The following FAT3 variants were observed in gnomAD, a reference collection of about 807,000 sequenced individuals.
FAT3 encodes protocadherin Fat 3.
FAT3 carries 95 observed loss-of-function variants against 310.2 expected under a neutral mutation model. That is an observed-to-expected ratio of 0.31 (90% CI 0.26 to 0.36). The LOEUF (loss-of-function observed/expected upper bound fraction) is 0.36. Among genes scored for constraint, FAT3 ranks in the 10% least tolerant of loss-of-function variants. The probability of loss-of-function intolerance (pLI) is 1.00; values close to 1 mark genes in which losing one functional copy is unlikely to be tolerated. For synonymous variants in FAT3, 2,314 were observed against 2,192.9 expected, an observed-to-expected ratio of 1.06 and a Z score of -1.54; for missense variants, 5,408 against 5,715.6, an observed-to-expected ratio of 0.95 and a Z score of 1.74.
At chr11:92,851,749 A>C (rs1032005902) in intron 19 of FAT3, among the ~76,000 whole-genome samples, 1 of 150,632 alleles carries the variant, frequency 6.6e-6, no homozygotes, top group African/African-American at 2.4e-5. Flanking sequence ...CTATGAGCCC[A>C]CATCCCCCAA....
chr11:92,810,050 G>A lies in FAT3; in HGVS notation c.9455G>A (p.Arg3152Lys). The change falls in exon 13 of 28, where the codon AGA becomes AAA. Residue 3152 changes from arginine to lysine, a missense_variant. Coordinates refer to ENST00000525166, the MANE Select transcript of FAT3 (RefSeq NM_001367949.2). ...ACAGCCACCAAGGCTCTGTTGACCAGAGTTCAAGCCGTGGACCCCGACATT... is the reference window on the plus strand; with the variant it reads ...ACAGCCACCAAGGCTCTGTTGACCAAAGTTCAAGCCGTGGACCCCGACATT... ...ENTATKALLTRVQAVDPDIGI... is the reference protein window; with the variant it reads ...ENTATKALLTKVQAVDPDIGI... 1.2e-6 allele frequency: 2 copies of A among 1,613,868 alleles called. No individual in the cohort carries two copies. Among genetic ancestry groups the A allele is most frequent in the Non-Finnish European group, 1.7e-6 (2 of 1,179,826 alleles).
chr11:92,591,631 G>C (rs944509464), intron 3 of FAT3, among the ~76,000 whole-genome samples: 4 of 152,188 alleles, frequency 2.6e-5, no homozygotes, highest in Middle Eastern at 3.4e-3. Flanking sequence ...CTATTGCAGA[G>C]ACTAGGAGGA....
At chr11:92,337,824 T>G (rs1948132398) in intron 1 of FAT3, among the ~76,000 whole-genome samples, 1 of 152,236 alleles carries the variant, frequency 6.6e-6, no homozygotes, top group Admixed American at 6.5e-5. Context: ...GTTGCTAAAT[T>G]CCTTATTAAT....
chr11:92,736,053 T>C (rs781030830), intron 4 of FAT3, among the ~76,000 whole-genome samples: 7 of 152,146 alleles, frequency 4.6e-5, no homozygotes, highest in Non-Finnish European at 8.8e-5. Flanking sequence ...GCAATGTTTT[T>C]CTCTTACTCT....
At chr11:92,277,775 G>A (rs572405961) in intron 1 of FAT3, among the ~76,000 whole-genome samples, 1 of 152,010 alleles carries the variant, frequency 6.6e-6, no homozygotes, top group South Asian at 2.1e-4. Flanking sequence ...GAGTGACGGG[G>A]TCACTTGTAC....
intron 3 of FAT3, among the ~76,000 whole-genome samples, chr11:92,645,214 A>T (rs1942105348): frequency 6.6e-6 from 1 of 152,234 alleles, no homozygotes; most frequent in African/African-American, 2.4e-5. Context: ...GTAATTACCC[A>T]GTTTGAGTTT....
intron 4 of FAT3, among the ~76,000 whole-genome samples, chr11:92,725,370 CT>C (rs1379264339): frequency 6.6e-6 from 1 of 152,102 alleles, no homozygotes; most frequent in Non-Finnish European, 1.5e-5. Context: ...GACAGTTCAA[CT>C]GTGAAAATCT....
At position 92,655,417 on chromosome 11, in the gene FAT3, G is replaced by A. The variant is rs6483185; in HGVS notation, c.3608-41967G>A. Among the ~76,000 whole-genome samples the A allele has an allele frequency of 4.6e-3, 703 of 152,170 alleles. 4 individuals are homozygous for A. Among genetic ancestry groups the A allele is most frequent in the African/African-American group, 0.016 (670 of 41,502 alleles). On this transcript the variant is annotated intron_variant, in intron 3 of 27. Transcript: ENST00000525166. ...CAGGAATACTGGACCTATCACTTTG[G>A]GACCATGGACAAATCACTTAATTCC...
chr11:92,588,965 G>A (rs1242997274), intron 3 of FAT3, among the ~76,000 whole-genome samples: 2 of 148,210 alleles, frequency 1.3e-5, no homozygotes, highest in African/African-American at 5.1e-5. Flanking sequence ...AATGAAGACA[G>A]ACAGTTTATT....
intron 3 of FAT3, among the ~76,000 whole-genome samples, chr11:92,589,051 C>T (rs1457225693): frequency 6.6e-6 from 1 of 152,008 alleles, no homozygotes; most frequent in East Asian, 1.9e-4. Context: ...TAATCAGAGA[C>T]AATGATTTCT....
chr11:92,488,721 A>G (rs187628940), intron 2 of FAT3, among the ~76,000 whole-genome samples: 114 of 152,030 alleles, frequency 7.5e-4, no homozygotes, highest in African/African-American at 2.6e-3. Flanking sequence ...CTTACCTTTC[A>G]GTTTAAGTGT....
chr11:92,809,939 C>T lies in FAT3; in HGVS notation c.9344C>T (p.Ser3115Phe). The T allele has an allele frequency of 6.2e-7, 1 of 1,613,938 alleles. No homozygotes were observed. The highest frequency in any genetic ancestry group is 8.5e-7 in the Non-Finnish European group (1 of 1,179,810). ...ATDGGGRFCQ[S>F]NIHLILEDVN... ...GACGGGGGTGGCAGGTTCTGCCAGT[C>T]CAACATCCACCTAATCCTGGAGGAT... Residue 3115 changes from serine (S) to phenylalanine (F), a missense_variant, in exon 13 of 28, where the codon TCC becomes TTC. By Grantham distance (155) the Ser-to-Phe change is radical. Coordinates refer to ENST00000525166, the MANE Select transcript of FAT3 (RefSeq NM_001367949.2).
At chr11:92,380,977 T>C (rs1949480870) in intron 2 of FAT3, among the ~76,000 whole-genome samples, 1 of 152,180 alleles carries the variant, frequency 6.6e-6, no homozygotes, top group East Asian at 1.9e-4. Flanking sequence ...TTCCAAAACA[T>C]TTTCATCACC....
At chr11:92,306,519 TTA>T (rs1212673098) in intron 1 of FAT3, among the ~76,000 whole-genome samples, 4 of 130,850 alleles carry the variant, frequency 3.1e-5, no homozygotes, top group Admixed American at 1.9e-4. Flanking sequence ...TATATTTATA[TTA>T]TATATGTTAT....
intron 1 of FAT3, among the ~76,000 whole-genome samples, chr11:92,315,708 G>A (rs1947443849): frequency 6.6e-6 from 1 of 151,522 alleles, no homozygotes; most frequent in Non-Finnish European, 1.5e-5. Flanking sequence ...TTTTCATAGA[G>A]ACAGGGTTTC....
At chr11:92,423,158 C>G (rs1320420800) in intron 2 of FAT3, among the ~76,000 whole-genome samples, 1 of 152,118 alleles carries the variant, frequency 6.6e-6, no homozygotes, top group Non-Finnish European at 1.5e-5. Flanking sequence ...CTCTTCCTGT[C>G]TTTAGTGTGT....
chr11:92,496,527 A>G (rs1421385991), intron 2 of FAT3, among the ~76,000 whole-genome samples: 6 of 151,992 alleles, frequency 3.9e-5, no homozygotes, highest in Non-Finnish European at 8.8e-5. Flanking sequence ...CAGAGTTCAC[A>G]GTGACCCCCA....
intron 2 of FAT3, among the ~76,000 whole-genome samples, chr11:92,459,455 G>A (rs946585287): frequency 3.9e-5 from 6 of 152,064 alleles, no homozygotes; most frequent in Admixed American, 3.9e-4. Context: ...GTATCTCTGA[G>A]CCTAACAGTC....
chr11:92,267,488 C>G (rs955704797), intron 1 of FAT3, among the ~76,000 whole-genome samples: 1 of 151,414 alleles, frequency 6.6e-6, no homozygotes, highest in African/African-American at 2.4e-5. Flanking sequence ...CAGAGTTTGG[C>G]GGAGGGTCCT....
Sources: gnomAD v4.1 joint callset for allele counts (sites outside exome capture counted in the v4.1 genomes callset) on GRCh38, gnomAD v4.1.1 for gene constraint, MANE v1.5 for transcripts, NCBI Gene and HGNC (gene_info 2026-07-23, HGNC 2026-07-21) for gene names.